Variants in SERPINB12 observed in about 807,000 individuals in gnomAD.
SERPINB12 encodes the protein serpin B12.
SERPINB12 carries 57 observed loss-of-function variants against 41.1 expected under a neutral mutation model. The observed-to-expected ratio is 1.39, with a 90% CI of 1.12 to 1.73. The LOEUF (loss-of-function observed/expected upper bound fraction) is 1.73, where lower values mean the gene tolerates loss of function less well. Among genes scored for constraint, SERPINB12 ranks in the 40% most tolerant of loss-of-function variants. The probability of loss-of-function intolerance (pLI) is 0.00; values close to 1 mark genes in which losing one functional copy is unlikely to be tolerated. For missense variants in SERPINB12, 536 were observed against 501.9 expected, an observed-to-expected ratio of 1.07 and a Z score of -0.65; for synonymous variants, 180 against 181.3, an observed-to-expected ratio of 0.99 and a Z score of 0.06.
At chr18:63,555,108 G>A (rs996479424) in intron 1 of SERPINB12, among the ~76,000 whole-genome samples, 2 of 152,110 alleles carry the variant, frequency 1.3e-5, no homozygotes, top group African/African-American at 4.8e-5. Context: ...ACAGTCTCTG[G>A]TATTCTTTGT....
At chr18:63,538,279 A>G (rs544863610), upstream of SERPINB12, among the ~76,000 whole-genome samples, 2 of 152,180 alleles carry the variant, frequency 1.3e-5, no homozygotes, top group South Asian at 4.1e-4. Context: ...TTGTACAGCC[A>G]TAACCACAAT....
At chr18:63,547,140 A>G (rs1232284777) in intron 1 of SERPINB12, among the ~76,000 whole-genome samples, 1 of 152,234 alleles carries the variant, frequency 6.6e-6, no homozygotes, top group Non-Finnish European at 1.5e-5. Context: ...GGCAGTCATC[A>G]CTGGGAGATA....
chr18:63,523,492 T>C, the SERPINB12 span, among the ~76,000 whole-genome samples: 370 of 152,274 alleles, frequency 2.4e-3, 1 homozygote, highest in African/African-American at 8.6e-3. Context: ...TTGAATTCAG[T>C]CAAGCACAGG....
chr18:63,553,088 C>T (rs1295833750), intron 1 of SERPINB12, among the ~76,000 whole-genome samples: 1 of 152,124 alleles, frequency 6.6e-6, no homozygotes, highest in Admixed American at 6.5e-5. Flanking sequence ...AGGTAACACT[C>T]AGAAAAGGGA....
chr18:63,547,613 A>G (rs1910418166), intron 1 of SERPINB12, among the ~76,000 whole-genome samples: 2 of 152,248 alleles, frequency 1.3e-5, no homozygotes, highest in Non-Finnish European at 2.9e-5. Flanking sequence ...TATATATAGG[A>G]AAAAACAGTT....
intron 5 of SERPINB12, among the ~76,000 whole-genome samples, 161 bp from the exon 6 acceptor site, chr18:63,563,817 A>T (rs1357826035): frequency 6.6e-6 from 1 of 151,408 alleles, no homozygotes; most frequent in African/African-American, 2.4e-5. Context: ...AATCGCTTGA[A>T]CCCAGAAGGC....
chr18:63,540,431 TAA>T (rs1214934265), upstream of SERPINB12, among the ~76,000 whole-genome samples: 1 of 152,136 alleles, frequency 6.6e-6, no homozygotes, highest in Non-Finnish European at 1.5e-5. Context: ...GAGATTCAGA[TAA>T]ACTCTTAAAA....
chr18:63,523,062 T>A, the SERPINB12 span, among the ~76,000 whole-genome samples: 1 of 151,980 alleles, frequency 6.6e-6, no homozygotes, highest in Non-Finnish European at 1.5e-5. Context: ...CTTTGAGATG[T>A]TCCAGGGTCC....
chr18:63,531,727 T>C, the SERPINB12 span, among the ~76,000 whole-genome samples: 265 of 152,352 alleles, frequency 1.7e-3, no homozygotes, highest in African/African-American at 6.1e-3. Flanking sequence ...CTAGTCCTAA[T>C]ATAGATAACT....
the SERPINB12 span, among the ~76,000 whole-genome samples, chr18:63,530,606 T>G: frequency 2.0e-5 from 3 of 152,206 alleles, no homozygotes; most frequent in Non-Finnish European, 4.4e-5. Flanking sequence ...TGAAGAGATA[T>G]CTTACTTTCA....
At chr18:63,547,559 TAA>T (rs1599413923) in intron 1 of SERPINB12, among the ~76,000 whole-genome samples, 1 of 152,118 alleles carries the variant, frequency 6.6e-6, no homozygotes, top group African/African-American at 2.4e-5. Flanking sequence ...ATAGAAATTA[TAA>T]GACATGAAAT....
At chr18:63,548,654 A>G (rs949392459) in intron 1 of SERPINB12, among the ~76,000 whole-genome samples, 1 of 152,096 alleles carries the variant, frequency 6.6e-6, no homozygotes, top group Non-Finnish European at 1.5e-5. Context: ...AGATAATTGA[A>G]AGATGAACAA....
At chr18:63,523,901 G>A in the SERPINB12 span, among the ~76,000 whole-genome samples, 117,237 of 152,122 alleles carry the variant, frequency 0.77, 45,338 homozygotes, top group Non-Finnish European at 0.81. Flanking sequence ...TGGATACAAC[G>A]GAAGTTGAAC....
upstream of SERPINB12, among the ~76,000 whole-genome samples, chr18:63,540,861 A>G (rs1216580310): frequency 6.6e-6 from 1 of 152,324 alleles, no homozygotes; most frequent in South Asian, 2.1e-4. Flanking sequence ...AATATGAAGA[A>G]GAAATATCTA....
At chr18:63,559,518 C>T (rs1363509471) in intron 3 of SERPINB12, 60 bp from the exon 4 acceptor site, 14 of 1,535,498 alleles carry the variant, frequency 9.1e-6, no homozygotes, top group African/African-American at 5.5e-5. Flanking sequence ...CATCTTTTAG[C>T]GGTGTTTAGC....
chr18:63,540,902 A>G (rs75986915), upstream of SERPINB12, among the ~76,000 whole-genome samples: 5,191 of 152,286 alleles, frequency 0.034, 309 homozygotes, highest in African/African-American at 0.12. Context: ...AAAGGACACA[A>G]AATTACAAAT....
At chr18:63,549,414 T>C (rs919171427) in intron 1 of SERPINB12, among the ~76,000 whole-genome samples, 8 of 152,184 alleles carry the variant, frequency 5.3e-5, no homozygotes, top group East Asian at 3.8e-4. Flanking sequence ...TGTATTGATA[T>C]AAAATGAATT....
At chr18:63,559,537 T>G (rs771979257) in intron 3 of SERPINB12, 41 bp from the exon 4 acceptor site, 1 of 1,608,208 alleles carries the variant, frequency 6.2e-7, no homozygotes, top group Non-Finnish European at 8.5e-7. Flanking sequence ...GCTCTTCTGA[T>G]AGACACAGTG....
intron 1 of SERPINB12, among the ~76,000 whole-genome samples, chr18:63,544,850 C>T (rs893867497): frequency 2.6e-5 from 4 of 152,082 alleles, no homozygotes; most frequent in African/African-American, 7.2e-5. Context: ...ATAAAAGATG[C>T]ATTTTTTCAT....
Sources: gnomAD v4.1 joint callset for allele counts (sites outside exome capture counted in the v4.1 genomes callset) on GRCh38, gnomAD v4.1.1 for gene constraint, MANE v1.5 for transcripts, NCBI Gene and HGNC (gene_info 2026-07-23, HGNC 2026-07-21) for gene names.